The following ABCD3 variants were observed in gnomAD, a reference collection of about 807,000 sequenced individuals.
ABCD3 encodes ATP binding cassette subfamily D member 3, also known as ATP-binding cassette sub-family D member 3.
In ABCD3, 41 loss-of-function variants were observed where a neutral mutation model predicts 105.5. That is an observed-to-expected ratio of 0.39 (90% confidence interval 0.30 to 0.50). ABCD3 has a LOEUF of 0.50. Ranked by LOEUF, ABCD3 falls within the 20% of genes least tolerant of loss-of-function variation. ABCD3 has a pLI of 0.84. For synonymous variants in ABCD3, 258 were observed against 269.0 expected (o/e 0.96, Z 0.40); for missense variants, 622 against 806.3 (o/e 0.77, Z 2.77).
At chr1:94,469,724 G>A (rs571470079) in intron 4 of ABCD3, among the ~76,000 whole-genome samples, 3 of 147,580 alleles carry the variant, frequency 2.0e-5, no homozygotes, top group East Asian at 4.0e-4. Flanking sequence ...GGAGTGCAGC[G>A]GCGCGATCTC....
intron 4 of ABCD3, among the ~76,000 whole-genome samples, chr1:94,469,848 G>T (rs1225813351): frequency 1.3e-5 from 2 of 151,768 alleles, no homozygotes; most frequent in African/African-American, 2.4e-5. Context: ...TGTATTTTTA[G>T]TAGAGACAGG....
intron 8 of ABCD3, among the ~76,000 whole-genome samples, chr1:94,479,624 G>C (rs1648940704): frequency 6.6e-6 from 1 of 152,122 alleles, no homozygotes; most frequent in African/African-American, 2.4e-5. Flanking sequence ...TTAGTGCCAA[G>C]AAGAACTGGA....
At chr1:94,418,847 CCCAG>C (rs1470238266) in intron 1 of ABCD3, 4 of 537,702 alleles carry the variant, frequency 7.4e-6, no homozygotes, top group Non-Finnish European at 1.3e-5. Flanking sequence ...CGAACCGGCG[CCCAG>C]CCAGCACTCA....
At chr1:94,480,340 T>G in intron 8 of ABCD3, 124 bp from the exon 9 acceptor site, 1 of 1,210,360 alleles carries the variant, frequency 8.3e-7, no homozygotes, top group Non-Finnish European at 1.2e-6. Context: ...GGGAAAAAAT[T>G]ACCCAGTAGG....
chr1:94,511,649 C>G (rs1188114208), intron 21 of ABCD3, among the ~76,000 whole-genome samples: 1 of 152,138 alleles, frequency 6.6e-6, no homozygotes, highest in Non-Finnish European at 1.5e-5. Flanking sequence ...TAGATTTGGT[C>G]TTTTCACATA....
chr1:94,432,336 C>T (rs1659715107), intron 1 of ABCD3, among the ~76,000 whole-genome samples: 1 of 152,096 alleles, frequency 6.6e-6, no homozygotes, highest in South Asian at 2.1e-4. Context: ...GGAGCTTGAC[C>T]TTAAGAAATA....
At chr1:94,484,783 A>T (rs1649204830) in intron 10 of ABCD3, among the ~76,000 whole-genome samples, 1 of 152,180 alleles carries the variant, frequency 6.6e-6, no homozygotes. Context: ...CTTAAAGTAT[A>T]ATCAAAAACA....
At chr1:94,424,564 A>G (rs1659393126) in intron 1 of ABCD3, among the ~76,000 whole-genome samples, 1 of 152,152 alleles carries the variant, frequency 6.6e-6, no homozygotes, top group Non-Finnish European at 1.5e-5. Context: ...CTAGGACTAC[A>G]GCCACACGTC....
chr1:94,447,510 G>A (rs906420372), intron 1 of ABCD3, among the ~76,000 whole-genome samples: 1 of 152,228 alleles, frequency 6.6e-6, no homozygotes, highest in Non-Finnish European at 1.5e-5. Flanking sequence ...CCTACAGCCT[G>A]CTAAGTGTTT....
chr1:94,462,329 A>G lies in ABCD3; in HGVS notation c.148-2446A>G, dbSNP rs1465415691. On this transcript the variant is annotated intron_variant, in intron 2 of 22. Transcript: ENST00000370214. Reference sequence around the variant, plus strand: ...TTAAAATGAATTCTTAGGAAAGGCTAGTAATATTATGTACTGCCTCTATAG... The same window carrying G: ...TTAAAATGAATTCTTAGGAAAGGCTGGTAATATTATGTACTGCCTCTATAG... Among the ~76,000 whole-genome samples, 4 of 152,286 alleles carry G rather than the reference A, an allele frequency of 2.6e-5. No individual in the cohort carries two copies. The East Asian group carries it at 7.7e-4, about 29-fold the overall frequency.
At chr1:94,412,020 A>G in the ABCD3 span, among the ~76,000 whole-genome samples, 1 of 152,174 alleles carries the variant, frequency 6.6e-6, no homozygotes, top group Non-Finnish European at 1.5e-5. Context: ...TGACTGCTTA[A>G]TGGGTACAGG....
intron 21 of ABCD3, chr1:94,513,678 A>G (rs1016662908): frequency 5.3e-5 from 8 of 152,074 alleles, no homozygotes; most frequent in African/African-American, 1.9e-4. Context: ...CTGAGGTTCA[A>G]ATTTCATTAT....
intron 1 of ABCD3, among the ~76,000 whole-genome samples, chr1:94,419,892 A>T (rs1311177963): frequency 6.6e-6 from 1 of 152,214 alleles, no homozygotes; most frequent in Non-Finnish European, 1.5e-5. Flanking sequence ...TTAATTTGGG[A>T]AAATAAAAAG....
At chr1:94,418,816 G>C (rs778281507) in intron 1 of ABCD3, 58 of 569,600 alleles carry the variant, frequency 1.0e-4, no homozygotes, top group Non-Finnish European at 1.7e-4. Flanking sequence ...CCGGGAGTGC[G>C]AATTCTTCTG....
intron 7 of ABCD3, among the ~76,000 whole-genome samples, chr1:94,476,089 A>G (rs1033092970): frequency 6.6e-6 from 1 of 152,194 alleles, no homozygotes; most frequent in African/African-American, 2.4e-5. Flanking sequence ...CTCCACACTT[A>G]TAACACTAGA....
chr1:94,503,498 T>TC (rs1650203496), intron 20 of ABCD3, among the ~76,000 whole-genome samples: 1 of 152,124 alleles, frequency 6.6e-6, no homozygotes, highest in South Asian at 2.1e-4. Context: ...TTCAGTTATA[T>TC]CCCCTCCCGC....
intron 10 of ABCD3, among the ~76,000 whole-genome samples, chr1:94,483,537 TGAG>T (rs1557681785): frequency 6.6e-6 from 1 of 152,138 alleles, no homozygotes; most frequent in Non-Finnish European, 1.5e-5. Flanking sequence ...AAACAAGAAA[TGAG>T]GAAAGGATTC....
the ABCD3 span, among the ~76,000 whole-genome samples, chr1:94,404,350 C>T: frequency 4.6e-5 from 7 of 152,208 alleles, no homozygotes; most frequent in Non-Finnish European, 7.3e-5. Context: ...CTGCACAAGA[C>T]TGAGGATGTA....
intron 1 of ABCD3, among the ~76,000 whole-genome samples, chr1:94,451,000 T>C (rs541480458): frequency 6.6e-6 from 1 of 152,352 alleles, no homozygotes; most frequent in East Asian, 1.9e-4. Context: ...AACTTTTTCT[T>C]AGCCATGTGA....
Sources: gnomAD v4.1 joint callset for allele counts (sites outside exome capture counted in the v4.1 genomes callset) on GRCh38, gnomAD v4.1.1 for gene constraint, MANE v1.5 for transcripts, NCBI Gene and HGNC (gene_info 2026-07-23, HGNC 2026-07-21) for gene names.